MICAL3: variants seen among roughly 807,000 people sequenced by gnomAD.
The protein encoded by MICAL3 is [F-actin]-monooxygenase MICAL3.
MICAL3 carries 62 observed loss-of-function variants against 207.4 expected under a neutral mutation model. The ratio of observed to expected loss-of-function variants is 0.30; its 90% CI spans 0.24 to 0.37. The LOEUF (loss-of-function observed/expected upper bound fraction) is 0.37. Ranked by LOEUF, MICAL3 falls within the 10% of genes least tolerant of loss-of-function variation. MICAL3 has a pLI of 1.00. For missense variants in MICAL3, 2,368 were observed against 2,635.6 expected (o/e 0.90, Z 2.22); for synonymous variants, 1,077 against 1,069.3 (o/e 1.01, Z -0.14).
intron 20 of MICAL3, among the ~76,000 whole-genome samples, chr22:17,836,393 T>C (rs957105712): frequency 6.6e-6 from 1 of 152,126 alleles, no homozygotes; most frequent in Non-Finnish European, 1.5e-5. Flanking sequence ...GGAAGTTGGG[T>C]CATTTGCATA....
intron 1 of MICAL3, among the ~76,000 whole-genome samples, chr22:17,973,694 C>A (rs1264461758): frequency 6.6e-6 from 1 of 152,110 alleles, no homozygotes; most frequent in Admixed American, 6.5e-5. Flanking sequence ...TTTGGAAGGT[C>A]GAGGCAGGAA....
rs765613827 is a variant in MICAL3 at position 17,818,110 on chromosome 22, C to T, written c.4551G>A (p.Val1517=). Residue 1517 remains valine, a synonymous_variant, in exon 26 of 32, where the codon GTG becomes GTA. Transcript: ENST00000441493. ...EEVRKSFVES[V]EEIPFADDVE... The stretch of plus-strand genomic sequence containing the variant: ...CATCATCAGCAAAGGGAATCTCCTC[C>T]ACGCTCTCCACAAACGACTTCCGCA... 4 of 1,612,408 alleles carry T rather than the reference C, an allele frequency of 2.5e-6. No homozygotes were observed. The highest frequency in any genetic ancestry group is 3.4e-6 in the Non-Finnish European group (4 of 1,179,464).
chr22:17,831,375 C>T (rs1922790142), intron 21 of MICAL3, among the ~76,000 whole-genome samples: 1 of 152,176 alleles, frequency 6.6e-6, no homozygotes, highest in Non-Finnish European at 1.5e-5. Flanking sequence ...CTGAGTATCC[C>T]TTCAGGACAC....
intron 1 of MICAL3, among the ~76,000 whole-genome samples, chr22:17,952,815 G>A (rs895414194): frequency 8.5e-5 from 13 of 152,160 alleles, no homozygotes; most frequent in Non-Finnish European, 1.3e-4. Context: ...TTGGAGCCTC[G>A]GTTCGATCCC....
chr22:17,981,630 C>G (rs1332226868), intron 1 of MICAL3, among the ~76,000 whole-genome samples: 1 of 152,174 alleles, frequency 6.6e-6, no homozygotes, highest in Non-Finnish European at 1.5e-5. Flanking sequence ...CAGCCCCCAA[C>G]ATGACATGTG....
At chr22:17,892,144 A>T (rs1279434911) in intron 11 of MICAL3, among the ~76,000 whole-genome samples, 1 of 152,222 alleles carries the variant, frequency 6.6e-6, no homozygotes, top group Admixed American at 6.5e-5. Flanking sequence ...ATAACTTGCC[A>T]AGAGAAGAAG....
Position 17,818,132 on chromosome 22 carries a change from C to G in MICAL3, c.4529G>C (p.Arg1510Pro), listed in dbSNP as rs369717291. The change falls in exon 26 of 32, where the codon CGG becomes CCG. Residue 1510 changes from arginine (R) to proline (P), a missense_variant. Physicochemically the swap from Arg to Pro is moderately radical, Grantham distance 103 (BLOSUM62 -2). This residue lies in a region of MICAL3 where 1,770 missense variants were observed against 1,863.2 expected (regional missense o/e 0.95). Coordinates refer to ENST00000441493, the MANE Select transcript of MICAL3 (RefSeq NM_015241.3). ...EPAQPPREEV[R>P]KSFVESVEEI... ...CTCCACGCTCTCCACAAACGACTTC[C>G]GCACCTCCTCTCTGGGGGGCTGAGC... 1 of 1,609,676 alleles carries G rather than the reference C, an allele frequency of 6.2e-7. No homozygotes were observed. Among genetic ancestry groups the G allele is most frequent in the Non-Finnish European group, 8.5e-7 (1 of 1,178,498 alleles).
At chr22:18,024,062 G>A (rs1407645972) in intron 1 of MICAL3, among the ~76,000 whole-genome samples, 30 of 152,218 alleles carry the variant, frequency 2.0e-4, no homozygotes, top group Admixed American at 1.9e-3. Flanking sequence ...GGTGTCGTGC[G>A]ATGATCGAGA....
chr22:17,843,370 G>A (rs1270364914), intron 19 of MICAL3, among the ~76,000 whole-genome samples: 1 of 152,110 alleles, frequency 6.6e-6, no homozygotes, highest in Non-Finnish European at 1.5e-5. Context: ...AGGCTGTCAT[G>A]AGTCCTCTGG....
intron 24 of MICAL3, 149 bp downstream of exon 24, chr22:17,821,881 G>A (rs926365256): frequency 3.0e-6 from 3 of 1,001,044 alleles, no homozygotes; most frequent in Non-Finnish European, 4.4e-6. Flanking sequence ...GGTGGACAGA[G>A]GAGGAAAAGG....
chr22:17,945,800 G>A (rs1934039387), intron 1 of MICAL3, among the ~76,000 whole-genome samples: 1 of 152,126 alleles, frequency 6.6e-6, no homozygotes, highest in Non-Finnish European at 1.5e-5. Context: ...GAAGGGATGA[G>A]GGAGAGAAGA....
intron 19 of MICAL3, among the ~76,000 whole-genome samples, chr22:17,846,167 C>T (rs1232383190): frequency 6.6e-6 from 1 of 152,220 alleles, no homozygotes; most frequent in Non-Finnish European, 1.5e-5. Flanking sequence ...CAGCAGTTGC[C>T]TCTCCTGTGC....
chr22:17,869,487 C>CTAATTTTGAGTCCTTGTCT (rs1193767624), intron 17 of MICAL3, among the ~76,000 whole-genome samples: 2 of 152,096 alleles, frequency 1.3e-5, no homozygotes, highest in African/African-American at 4.8e-5. Context: ...GGGCCTGACA[C>CTAATTTTGAGTCCTTGTCT]TAATTTTGAG....
chr22:17,830,057 A>G (rs1270821230), intron 21 of MICAL3, among the ~76,000 whole-genome samples: 1 of 152,142 alleles, frequency 6.6e-6, no homozygotes, highest in Non-Finnish European at 1.5e-5. Context: ...GCACGGGGTA[A>G]AGTGGGTACC....
intron 16 of MICAL3, chr22:17,875,643 G>C: frequency 1.8e-6 from 1 of 556,516 alleles, no homozygotes; most frequent in Non-Finnish European, 3.0e-6. Context: ...TGGTTGTAGA[G>C]CCTTTTACTC....
At chr22:17,842,937 C>T (rs1047421792) in intron 19 of MICAL3, among the ~76,000 whole-genome samples, 2 of 152,090 alleles carry the variant, frequency 1.3e-5, no homozygotes, top group Admixed American at 6.5e-5. Context: ...CTGGCTAACA[C>T]AGTGAGACCC....
At chr22:17,826,655 A>G (rs979058130) in intron 22 of MICAL3, 2 of 216,446 alleles carry the variant, frequency 9.2e-6, no homozygotes, top group African/African-American at 2.3e-5. Context: ...TGGCACCAAC[A>G]AGGGGTGCGA....
intron 19 of MICAL3, among the ~76,000 whole-genome samples, chr22:17,847,005 C>T (rs769823092): frequency 5.9e-5 from 9 of 152,234 alleles, no homozygotes; most frequent in Admixed American, 1.3e-4. Flanking sequence ...ACAACCTGCT[C>T]TCGGCTGCTG....
intron 12 of MICAL3, among the ~76,000 whole-genome samples, chr22:17,889,741 A>G (rs1273662962): frequency 6.6e-6 from 1 of 152,222 alleles, no homozygotes; most frequent in Non-Finnish European, 1.5e-5. Context: ...CGCAAGTTCA[A>G]GGTTGCAATG....
Sources: gnomAD v4.1 joint callset for allele counts (sites outside exome capture counted in the v4.1 genomes callset) on GRCh38, gnomAD v4.1.1 for gene constraint, gnomAD v4.1.1 regional missense constraint, MANE v1.5 for transcripts, NCBI Gene and HGNC (gene_info 2026-07-23, HGNC 2026-07-21) for gene names.